The following GGNBP2 variants were observed in gnomAD, a reference collection of about 807,000 sequenced individuals.
GGNBP2 encodes gametogenetin-binding protein 2.
GGNBP2 carries 10 observed loss-of-function variants against 85.9 expected under a neutral mutation model. That is an observed-to-expected ratio of 0.12 (90% CI 0.07 to 0.20). GGNBP2 has a LOEUF of 0.20. Among genes scored for constraint, GGNBP2 ranks in the 10% least tolerant of loss-of-function variants. The probability of loss-of-function intolerance (pLI) is 1.00; values close to 1 mark genes in which losing one functional copy is unlikely to be tolerated. For missense variants in GGNBP2, 595 were observed against 857.8 expected (o/e 0.69, Z 3.83); for synonymous variants, 287 against 285.7 (o/e 1.00, Z -0.05).
chr17:36,579,776 C>T (rs554034233), intron 8 of GGNBP2, among the ~76,000 whole-genome samples: 22 of 152,182 alleles, frequency 1.4e-4, no homozygotes, highest in African/African-American at 4.8e-4. Flanking sequence ...TTTGGGAGGA[C>T]GAGGCAGGCG....
chr17:36,556,963 A>C, intron 3 of GGNBP2, 120 bp from the exon 4 acceptor site: 1 of 1,118,988 alleles, frequency 8.9e-7, no homozygotes, highest in Non-Finnish European at 1.3e-6. Flanking sequence ...AGTTGCAGGT[A>C]GAGCTGGTAA....
intron 6 of GGNBP2, among the ~76,000 whole-genome samples, chr17:36,568,437 C>T (rs1027378814): frequency 1.8e-4 from 27 of 152,270 alleles, no homozygotes; most frequent in South Asian, 2.1e-4. Context: ...GCTGAGACTA[C>T]AGGCGCATGC....
intron 3 of GGNBP2, 21 bp downstream of exon 3, chr17:36,554,921 T>C: frequency 7.3e-7 from 1 of 1,369,258 alleles, no homozygotes; most frequent in Non-Finnish European, 1.0e-6. Flanking sequence ...TTTCAATCAG[T>C]GTTTTTAATG....
In GGNBP2 at chr17:36,580,010, CAAAACA is replaced by C. The variant is rs554348950; in HGVS notation, c.1020+613_1020+618del. The stretch of plus-strand genomic sequence containing the variant: ...GGGCAACAAGAACAAAACTCCGTCT[CAAAACA>C]AAAACAAAAACAAAAACAAAACAAA... On this transcript the variant is annotated intron_variant, in intron 8 of 13. Transcript: ENST00000613102. Among the ~76,000 whole-genome samples the C allele has an allele frequency of 4.8e-3, 725 of 151,190 alleles. 2 individuals carry two copies. The highest frequency in any genetic ancestry group is 0.014 in the African/African-American group (591 of 41,224).
At chr17:36,545,291 G>A (rs2074238141) in intron 1 of GGNBP2, among the ~76,000 whole-genome samples, 194 bp downstream of exon 1, 2 of 151,700 alleles carry the variant, frequency 1.3e-5, no homozygotes, top group Middle Eastern at 3.5e-3. Context: ...GGAACAGGCT[G>A]CGGGGCCCAG....
intron 6 of GGNBP2, among the ~76,000 whole-genome samples, chr17:36,568,045 C>G: frequency 6.6e-6 from 1 of 152,008 alleles, no homozygotes; most frequent in Non-Finnish European, 1.5e-5. Flanking sequence ...CCTGCCTCAG[C>G]GTCTCGAGTA....
In GGNBP2 at chr17:36,560,851, G is replaced by T. The variant is rs751525603; in HGVS notation, c.507G>T (p.Thr169=). 5.7e-6 allele frequency: 9 copies of T among 1,592,246 alleles called. No individual in the cohort carries two copies. Among genetic ancestry groups the T allele is most frequent in the Non-Finnish European group, 6.9e-6 (8 of 1,166,744 alleles). The change falls in exon 5 of 14, where the codon ACG becomes ACT. Residue 169 remains threonine (T), a synonymous_variant. Coordinates refer to ENST00000613102, the MANE Select transcript of GGNBP2 (RefSeq NM_024835.5). ...GATGTCAGTTGCACTCCTTAGATAC[G>T]CACAAGCCAAAACCTTTGGGGTAAG... ...NKRCQLHSLD[T]HKPKPLGGCW...
intron 2 of GGNBP2, among the ~76,000 whole-genome samples, chr17:36,552,698 T>C (rs2074322021): frequency 6.6e-6 from 1 of 152,122 alleles, no homozygotes; most frequent in Non-Finnish European, 1.5e-5. Context: ...TCTGTATGCA[T>C]GGAAGAAAAA....
chr17:36,588,145 C>T (rs1004006896), intron 13 of GGNBP2, among the ~76,000 whole-genome samples: 4 of 152,184 alleles, frequency 2.6e-5, no homozygotes, highest in Admixed American at 2.6e-4. Flanking sequence ...TTTACCTGAT[C>T]CCCAACTGAC....
intron 6 of GGNBP2, among the ~76,000 whole-genome samples, chr17:36,568,109 A>G (rs1474654710): frequency 1.3e-5 from 2 of 152,014 alleles, no homozygotes; most frequent in African/African-American, 4.8e-5. Context: ...TATTTCTAGT[A>G]GAGATGGGGT....
At chr17:36,589,047 A>C (rs1378405038) in intron 13 of GGNBP2, among the ~76,000 whole-genome samples, 161 bp from the exon 14 acceptor site, 2 of 152,250 alleles carry the variant, frequency 1.3e-5, no homozygotes, top group Non-Finnish European at 2.9e-5. Flanking sequence ...TTTCTTAGGC[A>C]GAATGACATG....
intron 7 of GGNBP2, chr17:36,578,730 T>A (rs1162270147): frequency 6.4e-6 from 1 of 155,296 alleles, no homozygotes; most frequent in Non-Finnish European, 1.4e-5. Context: ...GTATTTAGGG[T>A]ATCAACCCTC....
At chr17:36,586,530 C>T (rs2074703283) in intron 12 of GGNBP2, 2 of 327,046 alleles carry the variant, frequency 6.1e-6, no homozygotes, top group South Asian at 3.9e-5. Context: ...GCAGGTGTGG[C>T]ATAGTGTCTA....
rs139027589 is a variant in GGNBP2, at chr17:36,554,203, C to T, written c.94-617C>T. ...GGGTTCCTGTAATCCCAGCTACTCG[C>T]GAGGCTGAGGCAGGAGAATTGCTTG... On this transcript the variant is annotated intron_variant, in intron 2 of 13. Coordinates refer to ENST00000613102, the MANE Select transcript of GGNBP2 (RefSeq NM_024835.5). Among the ~76,000 whole-genome samples, 1,067 of 148,030 alleles carry T rather than the reference C, an allele frequency of 7.2e-3. 6 individuals are homozygous for T. The highest frequency in any genetic ancestry group is 0.017 in the Middle Eastern group (5 of 286).
chr17:36,559,296 CAAAAAAAAAA>C lies in GGNBP2; in HGVS notation c.429-1461_429-1452del, dbSNP rs892895973. Among the ~76,000 whole-genome samples, 190 of 31,476 alleles carry C rather than the reference CAAAAAAAAAA, an allele frequency of 6.0e-3. 1 individual carries two copies. The highest frequency in any genetic ancestry group is 0.011 in the Non-Finnish European group (154 of 14,162). The allele number at this position is 31,476 out of a possible 152,430, so 20.6% of individuals were successfully genotyped here. ...TGGGCAACAGAGCGAGACTCTGTCT[CAAAAAAAAAA>C]AAAAAAAAAAAAAAAGAATGGGCAA... is the stretch of plus-strand genomic sequence containing the variant. On this transcript the variant is annotated intron_variant, in intron 4 of 13. Coordinates refer to ENST00000613102, the MANE Select transcript of GGNBP2 (RefSeq NM_024835.5).
chr17:36,566,979 A>G (rs1187464542), intron 5 of GGNBP2, among the ~76,000 whole-genome samples: 1 of 152,092 alleles, frequency 6.6e-6, no homozygotes, highest in Non-Finnish European at 1.5e-5. Context: ...CAGGCTGGGC[A>G]ACATAGTAGA....
intron 2 of GGNBP2, chr17:36,547,559 T>A (rs2074267148): frequency 1.3e-5 from 2 of 152,256 alleles, no homozygotes; most frequent in South Asian, 4.1e-4. Context: ...AATGGCCAAC[T>A]TTTTAAGTGC....
At position 36,585,179 on chromosome 17, in the gene GGNBP2, T is replaced by G. The variant is rs892487144; in HGVS notation, c.1216-121T>G. ...ATTACTTTTGTACTGTCAGTGTAAA[T>G]GTCAGTACAGTGAAAATGCCACATC... On this transcript the variant is annotated intron_variant, in intron 9 of 13. Transcript: ENST00000613102. 4 of 799,316 alleles carry G rather than the reference T, an allele frequency of 5.0e-6. No individual in the cohort carries two copies. In the African/African-American group the frequency reaches 7.0e-5, roughly 14 times the overall value. The allele number at this position is 799,316 out of a possible 1,614,324, so 49.5% of individuals were successfully genotyped here.
chr17:36,552,078 G>A (rs542824160), intron 2 of GGNBP2, among the ~76,000 whole-genome samples: 22 of 152,174 alleles, frequency 1.4e-4, no homozygotes, highest in Middle Eastern at 6.8e-3. Context: ...TACGGCTATT[G>A]GTATGTGGTG....
Sources: gnomAD v4.1 joint callset for allele counts (sites outside exome capture counted in the v4.1 genomes callset) on GRCh38, gnomAD v4.1.1 for gene constraint, MANE v1.5 for transcripts, NCBI Gene and HGNC (gene_info 2026-07-23, HGNC 2026-07-21) for gene names.